The following RBFOX1 variants were observed in gnomAD, a reference collection of about 807,000 sequenced individuals.
RBFOX1 encodes RNA binding protein fox-1 homolog 1.
A neutral mutation model predicts 57.7 loss-of-function variants in RBFOX1; 8 were observed. The ratio of observed to expected loss-of-function variants is 0.14; its 90% CI spans 0.08 to 0.25. The LOEUF (loss-of-function observed/expected upper bound fraction) is 0.25, where lower values mean the gene tolerates loss of function less well. RBFOX1 is among the 10% of genes least tolerant of loss of function. The pLI is 1.00. For missense variants in RBFOX1, 611 were observed against 548.5 expected (o/e 1.11, Z -1.14); for synonymous variants, 326 against 222.4 (o/e 1.47, Z -4.15).
At chr16:5,467,189 TC>T (rs1679969907) in intron 1 of RBFOX1, 2 of 1,463,308 alleles carry the variant, frequency 1.4e-6, no homozygotes, top group African/African-American at 2.9e-5. Context: ...TCTCTCTCTC[TC>T]TCTCTCTTTT....
intron 1 of RBFOX1, chr16:6,056,949 C>G (rs557449742): frequency 6.6e-6 from 1 of 151,438 alleles, no homozygotes. Flanking sequence ...TGATTAAACT[C>G]TCTTTTTATG....
intron 7 of RBFOX1, among the ~76,000 whole-genome samples, chr16:7,593,487 C>G (rs777715528): frequency 6.6e-6 from 1 of 152,134 alleles, no homozygotes; most frequent in Non-Finnish European, 1.5e-5. Flanking sequence ...TGTTATGGAG[C>G]AAATAATCTT....
At chr16:6,590,542 G>T (rs556494828) in intron 2 of RBFOX1, among the ~76,000 whole-genome samples, 1 of 152,150 alleles carries the variant, frequency 6.6e-6, no homozygotes, top group Admixed American at 6.5e-5. Flanking sequence ...AGCCCCCTGC[G>T]ACTAGTTTGT....
Position 6,575,762 on chromosome 16 carries a change from C to A in RBFOX1, c.-63-78841C>A, listed in dbSNP as rs1173548304. On this transcript the variant is annotated intron_variant, in intron 2 of 15. Transcript: ENST00000550418. ...ATCCCAGGTACTCGGGAGGCTGAGG[C>A]AGGAGAATCGCTTGAACCCAGGAGG... Among the ~76,000 whole-genome samples, 6 of 151,474 alleles carry A rather than the reference C, an allele frequency of 4.0e-5. No homozygotes were observed. The East Asian group carries it at 1.2e-3, about 30-fold the overall frequency.
chr16:5,940,965 A>G (rs949565868), intron 4 of RBFOX1, among the ~76,000 whole-genome samples: 6 of 152,168 alleles, frequency 3.9e-5, no homozygotes, highest in African/African-American at 1.4e-4. Context: ...CCTTAATTGA[A>G]TGACCTTCTG....
intron 1 of RBFOX1, among the ~76,000 whole-genome samples, chr16:5,363,979 T>C (rs2065632122): frequency 6.6e-6 from 1 of 152,162 alleles, no homozygotes. Flanking sequence ...CTTCATCCAG[T>C]GTGTGCAATC....
chr16:7,011,689 A>G (rs895849533), intron 3 of RBFOX1, among the ~76,000 whole-genome samples: 1 of 151,890 alleles, frequency 6.6e-6, no homozygotes, highest in Non-Finnish European at 1.5e-5. Context: ...AATTTTTTGT[A>G]TTTTTAGTAG....
At chr16:5,487,706 G>A (rs1435822213) in intron 2 of RBFOX1, among the ~76,000 whole-genome samples, 4 of 152,178 alleles carry the variant, frequency 2.6e-5, no homozygotes, top group Non-Finnish European at 5.9e-5. Flanking sequence ...TGGAGCTCAT[G>A]TCTATCTTCC....
intron 11 of RBFOX1, among the ~76,000 whole-genome samples, chr16:7,642,312 G>A (rs1444760187): frequency 1.3e-5 from 2 of 152,146 alleles, no homozygotes; most frequent in African/African-American, 4.8e-5. Flanking sequence ...CAAAGGATCA[G>A]GACTCTTTTT....
rs546857637 is a variant in RBFOX1 at position 6,133,146 on chromosome 16, G to A, written c.-127+113154G>A. Among the ~76,000 whole-genome samples, 12 of 151,902 alleles carry A rather than the reference G, an allele frequency of 7.9e-5. No individual in the cohort carries two copies. In the South Asian group the frequency reaches 2.5e-3, roughly 32 times the overall value. On this transcript the variant is annotated intron_variant, in intron 1 of 15. Coordinates refer to ENST00000550418, the MANE Select transcript of RBFOX1 (RefSeq NM_018723.4). ...TATCTGGATGGAAGAGAAAACTTCT[G>A]TGATGCTGGGGCTCAATTCTCTTGG...
At chr16:6,512,119 GAA>G (rs5815317) in intron 2 of RBFOX1, among the ~76,000 whole-genome samples, 1 of 139,372 alleles carries the variant, frequency 7.2e-6, no homozygotes, top group Non-Finnish European at 1.6e-5. Flanking sequence ...CAAATAAAAT[GAA>G]AAAAAAAAAG....
rs73516485 is a variant in RBFOX1, at chr16:5,537,841, A to G, written c.259-61061A>G. 4.8e-3 allele frequency among the ~76,000 whole-genome samples: 734 copies of G among 152,352 alleles called. 12 individuals are homozygous for G. Among genetic ancestry groups the G allele is most frequent in the African/African-American group, 0.017 (698 of 41,578 alleles). On this transcript the variant is annotated intron_variant, in intron 2 of 2. Transcript: ENST00000585867. ...TCCTTCTCTCAAGCTGTATATCTTT[A>G]ATCTGCAAAGGCTGTTTTGCCACAT...
intron 1 of RBFOX1, among the ~76,000 whole-genome samples, chr16:6,295,323 A>G (rs527518122): frequency 1.3e-5 from 2 of 152,092 alleles, no homozygotes; most frequent in African/African-American, 4.8e-5. Context: ...GCGAGGTTTC[A>G]TCATGTTGGC....
intron 3 of RBFOX1, among the ~76,000 whole-genome samples, chr16:7,032,569 C>A (rs1194270008): frequency 1.4e-5 from 2 of 143,654 alleles, no homozygotes; most frequent in African/African-American, 4.9e-5. Context: ...ATCTCCCCAT[C>A]TACAGCTATT....
At chr16:5,301,904 C>G (rs916931156) in intron 1 of RBFOX1, among the ~76,000 whole-genome samples, 2 of 152,078 alleles carry the variant, frequency 1.3e-5, no homozygotes, top group East Asian at 3.8e-4. Context: ...AAGAAACCAG[C>G]TTTTGTTGAT....
chr16:6,920,882 C>A (rs2074310082), intron 3 of RBFOX1, among the ~76,000 whole-genome samples: 1 of 152,186 alleles, frequency 6.6e-6, no homozygotes, highest in South Asian at 2.1e-4. Flanking sequence ...CAAATAGGGT[C>A]ACATTCACTG....
intron 3 of RBFOX1, among the ~76,000 whole-genome samples, chr16:6,897,376 C>T (rs952028928): frequency 3.9e-5 from 6 of 152,024 alleles, no homozygotes; most frequent in South Asian, 2.1e-4. Flanking sequence ...GCACTCCAGC[C>T]GGGGTGACAG....
At chr16:6,827,230 C>G (rs1254423763) in intron 3 of RBFOX1, among the ~76,000 whole-genome samples, 1 of 151,000 alleles carries the variant, frequency 6.6e-6, no homozygotes, top group East Asian at 1.9e-4. Flanking sequence ...CTACTTTAAT[C>G]TCATTTTCTC....
intron 4 of RBFOX1, among the ~76,000 whole-genome samples, chr16:7,295,308 G>C (rs1015402997): frequency 1.3e-5 from 2 of 152,138 alleles, no homozygotes; most frequent in African/African-American, 4.8e-5. Context: ...TCTGAAGTTA[G>C]TCCTTCCATA....
Sources: allele counts gnomAD v4.1 joint callset (sites outside exome capture counted in the v4.1 genomes callset), GRCh38; gene constraint gnomAD v4.1.1; transcripts MANE v1.5; gene names NCBI Gene and HGNC (gene_info 2026-07-23, HGNC 2026-07-21).